Variants in ERC2 observed in about 807,000 individuals in gnomAD.
ERC2 encodes the protein ERC protein 2.
Under a neutral mutation model 114.8 loss-of-function variants are expected in ERC2, and 42 were observed. That is an observed-to-expected ratio of 0.37 (90% CI 0.29 to 0.47). ERC2 has a LOEUF of 0.47. ERC2 is among the 20% of genes least tolerant of loss of function. The probability of loss-of-function intolerance (pLI) is 0.99; values close to 1 mark genes in which losing one functional copy is unlikely to be tolerated. For synonymous variants in ERC2, 454 were observed against 425.5 expected (o/e 1.07, Z -0.82); for missense variants, 939 against 1,150.7 (o/e 0.82, Z 2.66).
chr3:56,389,141 T>C lies in ERC2; in HGVS notation c.657+45210A>G, dbSNP rs188947843. 9.2e-5 allele frequency among the ~76,000 whole-genome samples: 14 copies of C among 152,126 alleles called. No individual in the cohort carries two copies. In the East Asian group the frequency reaches 1.9e-3, roughly 21 times the overall value. Reference sequence around the variant, plus strand: ...TAGATAAATGGGAAAAAGCAAAAAATATAAGCCAGTTAAGCAATAGCTGTT... The same window carrying C: ...TAGATAAATGGGAAAAAGCAAAAAACATAAGCCAGTTAAGCAATAGCTGTT... On this transcript the variant is annotated intron_variant, in intron 2 of 17. Coordinates refer to ENST00000288221, the MANE Select transcript of ERC2 (RefSeq NM_015576.3).
At chr3:55,667,225 T>A (rs1374268679) in intron 17 of ERC2, among the ~76,000 whole-genome samples, 3 of 152,158 alleles carry the variant, frequency 2.0e-5, no homozygotes, top group Non-Finnish European at 4.4e-5. Context: ...TCAGGAGAAG[T>A]GGCCTTGTTT....
chr3:56,401,161 A>G (rs1387355814), intron 2 of ERC2, among the ~76,000 whole-genome samples: 3 of 152,216 alleles, frequency 2.0e-5, no homozygotes, highest in African/African-American at 2.4e-5. Context: ...TGCTACCACT[A>G]CCTGGAGGTA....
chr3:55,762,042 T>C (rs1375679505), intron 14 of ERC2, among the ~76,000 whole-genome samples: 1 of 148,090 alleles, frequency 6.8e-6, no homozygotes, highest in Non-Finnish European at 1.5e-5. Flanking sequence ...TGCCATAATT[T>C]TAAGTTTCCT....
intron 2 of ERC2, among the ~76,000 whole-genome samples, chr3:56,411,303 A>G (rs1486377102): frequency 1.3e-5 from 2 of 151,546 alleles, no homozygotes; most frequent in Non-Finnish European, 2.9e-5. Flanking sequence ...GCACATCAAA[A>G]TGCTCCCTCT....
chr3:56,148,988 T>C lies in ERC2; in HGVS notation c.1294A>G (p.Met432Val). ...IEVYKSHSKFMKTKIDQLKQE... is the reference protein window; with the variant it reads ...IEVYKSHSKFVKTKIDQLKQE... ...ACCCTGGACCGTACCTTGGTCTTCA[T>C]AAACTTGGAGTGACTTTTGTAAACC... The change falls in exon 5 of 18, where the codon ATG (methionine) becomes GTG (valine). Residue 432 changes from methionine (M) to valine (V), a missense_variant. Around this residue, in one of 5 missense-constraint regions of ERC2, gnomAD observed 148 missense variants for 159.1 expected, o/e 0.93. Coordinates refer to ENST00000288221, the MANE Select transcript of ERC2 (RefSeq NM_015576.3). 6.2e-7 allele frequency: 1 copy of C among 1,613,244 alleles called. No individual in the cohort carries two copies. Among genetic ancestry groups the C allele is most frequent in the Non-Finnish European group, 8.5e-7 (1 of 1,179,476 alleles).
At chr3:56,114,025 C>A (rs2079101326) in intron 6 of ERC2, among the ~76,000 whole-genome samples, 1 of 152,160 alleles carries the variant, frequency 6.6e-6, no homozygotes, top group Admixed American at 6.5e-5. Flanking sequence ...TATCCTCTGG[C>A]AGAAACTAAA....
rs1318383774 is a variant in ERC2 at position 56,221,087 on chromosome 3, C to A, written c.1075-47567G>T. On this transcript the variant is annotated intron_variant, in intron 3 of 17. Transcript: ENST00000288221. ...GAAGCAACCTGATAGAAGTCACACACATAAACAAACATCTGTTAGAGACAC... is the reference window on the plus strand; with the variant it reads ...GAAGCAACCTGATAGAAGTCACACAAATAAACAAACATCTGTTAGAGACAC... 2.6e-5 allele frequency among the ~76,000 whole-genome samples: 4 copies of A among 152,152 alleles called. No homozygotes were observed. In the East Asian group the frequency reaches 7.7e-4, roughly 29 times the overall value.
intron 14 of ERC2, among the ~76,000 whole-genome samples, chr3:55,885,628 A>T (rs1046243077): frequency 6.6e-6 from 1 of 152,214 alleles, no homozygotes; most frequent in African/African-American, 2.4e-5. Flanking sequence ...GAAACCATGA[A>T]GTTAAGTGGG....
intron 14 of ERC2, among the ~76,000 whole-genome samples, chr3:55,813,618 C>T (rs1353394811): frequency 2.6e-5 from 4 of 152,202 alleles, no homozygotes; most frequent in South Asian, 4.1e-4. Flanking sequence ...AACTGTCTGA[C>T]CAGGTAGCCA....
intron 6 of ERC2, among the ~76,000 whole-genome samples, chr3:56,122,698 C>T (rs1348866006): frequency 6.6e-6 from 1 of 152,080 alleles, no homozygotes; most frequent in Non-Finnish European, 1.5e-5. Flanking sequence ...ATGGCCAGGT[C>T]TTGGGGAGAA....
intron 1 of ERC2, among the ~76,000 whole-genome samples, chr3:56,447,195 G>T (rs1283989290): frequency 2.6e-5 from 4 of 152,244 alleles, no homozygotes; most frequent in Non-Finnish European, 5.9e-5. Flanking sequence ...GGCCACGGGG[G>T]ACTGGGTTGG....
At chr3:56,138,708 C>A (rs1286798941) in intron 6 of ERC2, among the ~76,000 whole-genome samples, 1 of 152,212 alleles carries the variant, frequency 6.6e-6, no homozygotes, top group Non-Finnish European at 1.5e-5. Flanking sequence ...ATGCACACAG[C>A]ACAGTGCCTC....
chr3:55,845,899 A>C (rs1355833058), intron 14 of ERC2, among the ~76,000 whole-genome samples: 2 of 152,248 alleles, frequency 1.3e-5, no homozygotes, highest in African/African-American at 4.8e-5. Context: ...TATATTAGCA[A>C]ACACCACTGG....
chr3:55,826,446 G>A (rs1357136717), intron 14 of ERC2, among the ~76,000 whole-genome samples: 1 of 152,160 alleles, frequency 6.6e-6, no homozygotes, highest in Non-Finnish European at 1.5e-5. Context: ...GGCAAATGAA[G>A]TAACTTCCCT....
At chr3:55,915,750 C>T (rs993767842) in intron 13 of ERC2, among the ~76,000 whole-genome samples, 12 of 152,062 alleles carry the variant, frequency 7.9e-5, no homozygotes, top group African/African-American at 1.4e-4. Context: ...TTAAGATCAT[C>T]GAGGGGAGCT....
chr3:55,784,375 AAG>A (rs1443390279), intron 14 of ERC2, among the ~76,000 whole-genome samples: 1 of 152,236 alleles, frequency 6.6e-6, no homozygotes, highest in Non-Finnish European at 1.5e-5. Context: ...AGAGAGCTTC[AAG>A]AGAGTTTCTA....
chr3:55,786,712 C>T (rs2069526981), intron 14 of ERC2, among the ~76,000 whole-genome samples: 1 of 152,162 alleles, frequency 6.6e-6, no homozygotes, highest in Admixed American at 6.5e-5. Flanking sequence ...TTCTTGACTG[C>T]ATTGCCATTC....
intron 17 of ERC2, among the ~76,000 whole-genome samples, chr3:55,660,308 T>G (rs13068020): frequency 0.55 from 82,976 of 151,860 alleles, 24,124 homozygotes; most frequent in Admixed American, 0.63. Flanking sequence ...TATGTCCAAG[T>G]TATAAAAATG....
At chr3:55,608,662 C>G (rs1425059586) in intron 17 of ERC2, among the ~76,000 whole-genome samples, 3 of 152,196 alleles carry the variant, frequency 2.0e-5, no homozygotes, top group East Asian at 1.9e-4. Flanking sequence ...GCTTAAACAC[C>G]CTTGCTTCAT....
Sources: allele counts gnomAD v4.1 joint callset (sites outside exome capture counted in the v4.1 genomes callset), GRCh38; gene constraint gnomAD v4.1.1; regional missense constraint gnomAD v4.1.1; transcripts MANE v1.5; gene names NCBI Gene and HGNC (gene_info 2026-07-23, HGNC 2026-07-21).